ALPK3: variants seen among roughly 807,000 people sequenced by gnomAD.
ALPK3 encodes the protein alpha-protein kinase 3.
A neutral mutation model predicts 140.0 loss-of-function variants in ALPK3; 102 were observed. The ratio of observed to expected loss-of-function variants is 0.73; its 90% CI spans 0.62 to 0.86. The LOEUF (loss-of-function observed/expected upper bound fraction) is 0.86. Ranked by LOEUF, ALPK3 falls within the 40% of genes least tolerant of loss-of-function variation. The probability of loss-of-function intolerance (pLI) is 0.00; values close to 1 mark genes in which losing one functional copy is unlikely to be tolerated. For synonymous variants in ALPK3, 938 were observed against 898.5 expected (o/e 1.04, Z -0.79); for missense variants, 2,254 against 2,208.2 (o/e 1.02, Z -0.42).
Position 84,858,181 on chromosome 15 carries a change from T to C in ALPK3, c.3443T>C (p.Leu1148Pro). 1 of 1,612,406 alleles carries C rather than the reference T, an allele frequency of 6.2e-7. No individual in the cohort carries two copies. The highest frequency in any genetic ancestry group is 8.5e-7 in the Non-Finnish European group (1 of 1,179,352). ...GAGGAGAAGTTCCCAGGGGAGGCTC[T>C]GACAGGTCTCCCGGCAGCTACACCT... ...SQEEKFPGEALTGLPAATPEE... is the reference protein window; with the variant it reads ...SQEEKFPGEAPTGLPAATPEE... The change falls in exon 6 of 14, where the codon CTG becomes CCG. Residue 1148 changes from leucine to proline, a missense_variant. Leu to Pro is a moderately conservative substitution (Grantham distance 98, BLOSUM62 -3). Around this residue, in one of 3 missense-constraint regions of ALPK3, gnomAD observed 2,088 missense variants for 2,022.9 expected, o/e 1.03. Coordinates refer to ENST00000258888, the MANE Select transcript of ALPK3 (RefSeq NM_020778.5).
chr15:84,873,327 G>C lies in ALPK3; in HGVS notation c.*4871G>C, dbSNP rs1490971953. On this transcript the variant is annotated 3_prime_UTR_variant, in exon 14 of 14. Coordinates refer to ENST00000258888, the MANE Select transcript of ALPK3 (RefSeq NM_020778.5). The stretch of plus-strand genomic sequence containing the variant: ...GCCTTTCTTGGATGTTTGGTCTTTT[G>C]ATATAATTTAGCATGGGCCAACATT... 1 of 152,112 alleles carries C rather than the reference G, an allele frequency of 6.6e-6. No homozygotes were observed. The highest frequency in any genetic ancestry group is 1.5e-5 in the Non-Finnish European group (1 of 68,028). 9.4% of individuals were successfully genotyped at this position (152,112 alleles called of 1,614,324 possible).
At chr15:84,852,284 C>T (rs969356616) in intron 5 of ALPK3, among the ~76,000 whole-genome samples, 1 of 152,136 alleles carries the variant, frequency 6.6e-6, no homozygotes, top group Non-Finnish European at 1.5e-5. Context: ...GTAACCAAGA[C>T]AGCTACTTAA....
intron 3 of ALPK3, among the ~76,000 whole-genome samples, chr15:84,838,776 C>T (rs188537322): frequency 6.1e-4 from 93 of 152,084 alleles, no homozygotes; most frequent in African/African-American, 2.1e-3. Context: ...CCCGCCACCA[C>T]GTCCGGGTAA....
chr15:84,861,232 ATGTT>A (rs1276889634), intron 9 of ALPK3, among the ~76,000 whole-genome samples: 1 of 152,102 alleles, frequency 6.6e-6, no homozygotes, highest in African/African-American at 2.4e-5. Flanking sequence ...CCTTTGCCAT[ATGTT>A]TGTTAAAGTC....
rs2141557520 is a variant in ALPK3, at chr15:84,840,901, AG to A, written c.1626del (p.Gln543LysfsTer29). 1 of 1,608,458 alleles carries A rather than the reference AG, an allele frequency of 6.2e-7. No homozygotes were observed. Among genetic ancestry groups the A allele is most frequent in the Non-Finnish European group, 8.5e-7 (1 of 1,177,506 alleles). ...CATGGCACCCGGGACAGCACGTTGCAGGGGCAAGCAGGCCACAGGACTCCAG... is the reference window on the plus strand; with the variant it reads ...CATGGCACCCGGGACAGCACGTTGCAGGGCAAGCAGGCCACAGGACTCCAG... ...RRHGTRDSTL[Q>X]GQAGHRTPGE... On this transcript the variant is annotated frameshift_variant, in exon 5 of 14. Transcript: ENST00000258888. LOFTEE classifies it high-confidence loss of function.
chr15:84,834,065 G>A (rs959124577), intron 3 of ALPK3, among the ~76,000 whole-genome samples: 5 of 152,080 alleles, frequency 3.3e-5, no homozygotes, highest in Non-Finnish European at 7.4e-5. Context: ...CAAAGGGATT[G>A]AGTCTTCTGA....
chr15:84,831,527 T>C (rs1333164032), intron 3 of ALPK3, among the ~76,000 whole-genome samples: 3 of 152,250 alleles, frequency 2.0e-5, no homozygotes, highest in Admixed American at 6.5e-5. Context: ...TCATTTTCTG[T>C]AGCATCCTGC....
At chr15:84,827,457 C>A in intron 2 of ALPK3, 27 bp from the exon 3 acceptor site, 1 of 1,613,518 alleles carries the variant, frequency 6.2e-7, no homozygotes, top group Non-Finnish European at 8.5e-7. Flanking sequence ...GGAAGGCCAG[C>A]TCTGAATAGC....
chr15:84,834,555 G>A (rs542912047), intron 3 of ALPK3, among the ~76,000 whole-genome samples: 3 of 152,352 alleles, frequency 2.0e-5, no homozygotes, highest in South Asian at 4.1e-4. Context: ...AGTGTTCTGA[G>A]GGTCAAATGA....
At chr15:84,864,196 C>A (rs1459613909) in intron 11 of ALPK3, among the ~76,000 whole-genome samples, 1 of 152,118 alleles carries the variant, frequency 6.6e-6, no homozygotes, top group Non-Finnish European at 1.5e-5. Context: ...CTGCCTATGC[C>A]CATAGCAGGG....
intron 12 of ALPK3, 87 bp downstream of exon 12, chr15:84,864,752 G>GT: frequency 1.5e-6 from 2 of 1,328,750 alleles, no homozygotes; most frequent in Non-Finnish European, 2.1e-6. Flanking sequence ...TTGGCTGATC[G>GT]TTTACAAAGC....
chr15:84,845,036 A>G (rs1328449011), intron 5 of ALPK3, among the ~76,000 whole-genome samples: 1 of 152,220 alleles, frequency 6.6e-6, no homozygotes, highest in Admixed American at 6.5e-5. Flanking sequence ...CAAAATGTAT[A>G]ATACACCTAC....
Position 84,840,061 on chromosome 15 carries a change from C to T in ALPK3, c.782C>T (p.Ser261Leu). The change falls in exon 5 of 14, where the codon TCA becomes TTA. Residue 261 changes from serine to leucine, a missense_variant. By Grantham distance (145) the Ser-to-Leu change is moderately radical. This residue lies in a region of ALPK3 where 2,088 missense variants were observed against 2,022.9 expected (regional missense o/e 1.03). Coordinates refer to ENST00000258888, the MANE Select transcript of ALPK3 (RefSeq NM_020778.5). ...QEGETETAQH[S>L]GLGLINSFAS... ...GGAGAGACTGAGACTGCTCAGCACT[C>T]AGGTTTGGGCCTGATCAACAGTTTT... 4 of 1,614,100 alleles carry T rather than the reference C, an allele frequency of 2.5e-6. No homozygotes were observed. The highest frequency in any genetic ancestry group is 3.4e-6 in the Non-Finnish European group (4 of 1,180,014).
At chr15:84,839,607 G>T (rs1963632399) in intron 4 of ALPK3, 95 bp from the exon 5 acceptor site, 6 of 1,363,284 alleles carry the variant, frequency 4.4e-6, no homozygotes, top group Non-Finnish European at 6.0e-6. Flanking sequence ...TAGGGAGGGG[G>T]AAGTGTGCCC....
chr15:84,862,138 A>G (rs306198), intron 9 of ALPK3, among the ~76,000 whole-genome samples: 31,093 of 152,114 alleles, frequency 0.2, 3,986 homozygotes, highest in Non-Finnish European at 0.28. Flanking sequence ...ATGGGAAATT[A>G]TATTTAGCGG....
intron 5 of ALPK3, among the ~76,000 whole-genome samples, chr15:84,854,718 C>A (rs1353193387): frequency 6.6e-6 from 1 of 152,150 alleles, no homozygotes; most frequent in Non-Finnish European, 1.5e-5. Flanking sequence ...CTGGCTCTTA[C>A]AGGTGACACA....
chr15:84,865,963 TA>T (rs1963999570), intron 12 of ALPK3, among the ~76,000 whole-genome samples: 2 of 152,052 alleles, frequency 1.3e-5, no homozygotes, highest in Non-Finnish European at 2.9e-5. Flanking sequence ...AAGAAAAAAA[TA>T]AATTTGATTT....
In ALPK3 at chr15:84,858,149, C is replaced by T. The variant is rs765229940; in HGVS notation, c.3411C>T (p.Pro1137=). The T allele has an allele frequency of 6.2e-7, 1 of 1,606,014 alleles. No individual in the cohort carries two copies. The highest frequency in any genetic ancestry group is 8.5e-7 in the Non-Finnish European group (1 of 1,176,914). ...GPSAESIAQE[P]SQEEKFPGEA... is the part of the protein sequence containing the mutation. ...CAGCAGAGAGCATAGCCCAGGAGCC[C>T]TCCCAAGAGGAGAAGTTCCCAGGGG... The change falls in exon 6 of 14, where the codon CCC becomes CCT. Residue 1137 remains proline, a synonymous_variant. Coordinates refer to ENST00000258888, the MANE Select transcript of ALPK3 (RefSeq NM_020778.5).
chr15:84,842,236 G>T (rs1963674484), intron 5 of ALPK3, among the ~76,000 whole-genome samples: 3 of 152,226 alleles, frequency 2.0e-5, no homozygotes, highest in Admixed American at 2.0e-4. Flanking sequence ...GTTTTGCTGT[G>T]TTGACCAGGC....
Sources: allele counts gnomAD v4.1 joint callset (sites outside exome capture counted in the v4.1 genomes callset), GRCh38; gene constraint gnomAD v4.1.1; regional missense constraint gnomAD v4.1.1; transcripts MANE v1.5; gene names NCBI Gene and HGNC (gene_info 2026-07-23, HGNC 2026-07-21).